Variants in TBX20 observed in about 807,000 individuals in gnomAD.
TBX20 encodes T-box transcription factor TBX20.
TBX20 carries 8 observed loss-of-function variants against 42.9 expected under a neutral mutation model. The ratio of observed to expected loss-of-function variants is 0.19; its 90% CI spans 0.11 to 0.34. The LOEUF (loss-of-function observed/expected upper bound fraction) is 0.34. Ranked by LOEUF, TBX20 falls within the 10% of genes least tolerant of loss-of-function variation. The pLI, the probability that TBX20 is intolerant of heterozygous loss-of-function variation, is 1.00. For missense variants in TBX20, 411 were observed against 566.0 expected (o/e 0.73, Z 2.78); for synonymous variants, 198 against 222.8 (o/e 0.89, Z 0.99).
At chr7:35,245,163 G>T in intron 3 of TBX20, 106 bp from the exon 4 acceptor site, 2 of 846,826 alleles carry the variant, frequency 2.4e-6, no homozygotes, top group South Asian at 2.9e-5. Context: ...ATATATAAGT[G>T]GGAAATTTTA....
At chr7:35,215,132 T>C (rs1452194256) in intron 6 of TBX20, among the ~76,000 whole-genome samples, 2 of 152,228 alleles carry the variant, frequency 1.3e-5, no homozygotes, top group African/African-American at 2.4e-5. Context: ...AAGAACATTA[T>C]ATTCATTTTG....
At position 35,204,497 on chromosome 7, in the gene TBX20, C is replaced by T. The variant is rs753483497; in HGVS notation, c.976G>A (p.Asp326Asn). The T allele has an allele frequency of 3.1e-6, 5 of 1,613,780 alleles. No homozygotes were observed. The highest frequency in any genetic ancestry group is 4.2e-6 in the Non-Finnish European group (5 of 1,179,708). The change falls in exon 7 of 8, where the codon GAT (aspartate) becomes AAT (asparagine). Residue 326 changes from aspartate to asparagine, a missense_variant. Coordinates refer to ENST00000408931, the MANE Select transcript of TBX20 (RefSeq NM_001077653.2). ...CGATTTGGGGTTGTCTGACTCTCATCCCCCAAGACATCTTCTTCTCCTCCG... is the reference window on the plus strand; with the variant it reads ...CGATTTGGGGTTGTCTGACTCTCATTCCCCAAGACATCTTCTTCTCCTCCG... ...TYGGEEDVLG[D>N]ESQTTPNRGS...
At chr7:35,219,241 T>A (rs972024094) in intron 6 of TBX20, among the ~76,000 whole-genome samples, 5 of 151,998 alleles carry the variant, frequency 3.3e-5, no homozygotes, top group Admixed American at 2.6e-4. Context: ...GGCAGAAAAC[T>A]TTTTTCTGTA....
intron 1 of TBX20, 59 bp downstream of exon 1, chr7:35,253,435 G>A (rs549039146): frequency 1.4e-5 from 22 of 1,569,798 alleles, no homozygotes; most frequent in Non-Finnish European, 1.8e-5. Flanking sequence ...GCAGCCAGGG[G>A]CACAGACGGA....
At chr7:35,233,838 T>C (rs1562563615) in intron 5 of TBX20, among the ~76,000 whole-genome samples, 1 of 152,224 alleles carries the variant, frequency 6.6e-6, no homozygotes. Context: ...CAGCAAATAA[T>C]GAGGATAAAT....
At chr7:35,238,651 A>C (rs1167332179) in intron 5 of TBX20, among the ~76,000 whole-genome samples, 1 of 152,242 alleles carries the variant, frequency 6.6e-6, no homozygotes, top group Non-Finnish European at 1.5e-5. Context: ...CAAATAAATT[A>C]AAAACAGGAT....
At chr7:35,243,959 T>C (rs1318197260) in intron 4 of TBX20, among the ~76,000 whole-genome samples, 1 of 152,216 alleles carries the variant, frequency 6.6e-6, no homozygotes, top group East Asian at 1.9e-4. Context: ...AACCTAGAAC[T>C]TTCTTATTAT....
intron 4 of TBX20, 49 bp from the exon 5 acceptor site, chr7:35,241,086 A>C: frequency 6.4e-7 from 1 of 1,552,456 alleles, no homozygotes; most frequent in Non-Finnish European, 8.9e-7. Flanking sequence ...TTATACTGCT[A>C]AACAGGCCAA....
Position 35,203,874 on chromosome 7 carries a change from G to T in TBX20, c.1003+596C>A, listed in dbSNP as rs548800782. On this transcript the variant is annotated intron_variant, in intron 7 of 7. Coordinates refer to ENST00000408931, the MANE Select transcript of TBX20 (RefSeq NM_001077653.2). ...CCCCATACGAACTTTACTGTTCCCA[G>T]AATGGAGCCCCTCTGGGCTCTTTTC... Among the ~76,000 whole-genome samples, 6 of 152,326 alleles carry T rather than the reference G, an allele frequency of 3.9e-5. No individual in the cohort carries two copies. The East Asian group carries it at 1.2e-3, about 29-fold the overall frequency.
chr7:35,242,330 A>G (rs577410285), intron 4 of TBX20, among the ~76,000 whole-genome samples: 1 of 152,364 alleles, frequency 6.6e-6, no homozygotes, highest in South Asian at 2.1e-4. Context: ...TGGAACAGGA[A>G]TAACTGAAAC....
chr7:35,207,318 A>G (rs1789416827), intron 6 of TBX20, among the ~76,000 whole-genome samples: 1 of 152,198 alleles, frequency 6.6e-6, no homozygotes, highest in Non-Finnish European at 1.5e-5. Flanking sequence ...AGCTGTTAAT[A>G]ATCTGTTTAA....
intron 6 of TBX20, among the ~76,000 whole-genome samples, chr7:35,221,295 CAA>C (rs1233218764): frequency 1.0e-4 from 8 of 77,810 alleles, no homozygotes; most frequent in African/African-American, 2.2e-4. Context: ...TTCGGTCTGG[CAA>C]AAAAAAAAAA....
At position 35,212,128 on chromosome 7, in the gene TBX20, C is replaced by T. The variant is rs2814409; in HGVS notation, c.891-7546G>A. Among the ~76,000 whole-genome samples the T allele has an allele frequency of 2.1e-4, 32 of 152,216 alleles. 1 individual carries two copies. In the South Asian group the frequency reaches 2.3e-3, roughly 11 times the overall value. ...TTTTTAAAAATTTATCTTTGTTCCT[C>T]GTGTTTCATTTTGGGTAGTTTCTAT... On this transcript the variant is annotated intron_variant, in intron 6 of 7. Transcript: ENST00000408931.
chr7:35,210,445 T>C (rs1789477850), intron 6 of TBX20, among the ~76,000 whole-genome samples: 1 of 152,158 alleles, frequency 6.6e-6, no homozygotes, highest in African/African-American at 2.4e-5. Context: ...TAAACATCAA[T>C]TGGGTCAAGT....
intron 6 of TBX20, among the ~76,000 whole-genome samples, chr7:35,211,730 C>T (rs544559904): frequency 7.9e-5 from 12 of 152,104 alleles, no homozygotes; most frequent in Non-Finnish European, 8.8e-5. Flanking sequence ...TCAAAGAGCA[C>T]CTGTACTTTA....
chr7:35,217,515 G>A (rs1024865136), intron 6 of TBX20, among the ~76,000 whole-genome samples: 3 of 152,028 alleles, frequency 2.0e-5, no homozygotes, highest in African/African-American at 7.2e-5. Flanking sequence ...CAGTTCATAC[G>A]GTTTTATAAA....
chr7:35,210,114 CTT>C lies in TBX20; in HGVS notation c.891-5534_891-5533del, dbSNP rs1254082002. Among the ~76,000 whole-genome samples the C allele has an allele frequency of 2.8e-3, 356 of 127,602 alleles. 1 individual carries two copies. Among genetic ancestry groups the C allele is most frequent in the Admixed American group, 3.9e-3 (48 of 12,430 alleles). 83.7% of individuals were successfully genotyped at this position (127,602 alleles called of 152,430 possible). On this transcript the variant is annotated intron_variant, in intron 6 of 7. Transcript: ENST00000408931. ...TTCTGCTAATTTTAGATAATATTTT[CTT>C]TTTTTTTTTTTTTTTTGAGACGGAG... is the stretch of plus-strand genomic sequence containing the variant.
rs1584345318 is a variant in TBX20, at chr7:35,220,047, A to T, written c.890+11457T>A. Among the ~76,000 whole-genome samples the T allele has an allele frequency of 2.0e-5, 3 of 152,238 alleles. No homozygotes were observed. The South Asian group carries it at 6.2e-4, about 32-fold the overall frequency. Reference sequence around the variant, plus strand: ...ACCTACTAATATGAACAAGAAAACAAGAGAAACTCAAGAAATGAGGGAGGG... The same window carrying T: ...ACCTACTAATATGAACAAGAAAACATGAGAAACTCAAGAAATGAGGGAGGG... On this transcript the variant is annotated intron_variant, in intron 6 of 7. Transcript: ENST00000408931.
chr7:35,228,469 C>G (rs1255752362), intron 6 of TBX20, among the ~76,000 whole-genome samples: 1 of 151,958 alleles, frequency 6.6e-6, no homozygotes, highest in Non-Finnish European at 1.5e-5. Flanking sequence ...GGTTTAACTG[C>G]TTTTTTATGC....
Sources: gnomAD v4.1 joint callset for allele counts (sites outside exome capture counted in the v4.1 genomes callset) on GRCh38, gnomAD v4.1.1 for gene constraint, MANE v1.5 for transcripts, NCBI Gene and HGNC (gene_info 2026-07-23, HGNC 2026-07-21) for gene names.